SNTG2: variants seen among roughly 807,000 people sequenced by gnomAD.
SNTG2 encodes the protein gamma-2-syntrophin.
A neutral mutation model predicts 70.9 loss-of-function variants in SNTG2; 74 were observed. The ratio of observed to expected loss-of-function variants is 1.04; its 90% CI spans 0.86 to 1.27. The LOEUF is 1.27. SNTG2 is among the 50% of genes most tolerant of loss of function. The pLI, the probability that SNTG2 is intolerant of heterozygous loss-of-function variation, is 0.00. For synonymous variants in SNTG2, 278 were observed against 273.8 expected (o/e 1.02, Z -0.15); for missense variants, 717 against 690.7 (o/e 1.04, Z -0.43).
chr2:1,316,950 G>A (rs529196432), intron 16 of SNTG2, among the ~76,000 whole-genome samples: 40 of 124,798 alleles, frequency 3.2e-4, no homozygotes, highest in African/African-American at 1.1e-3. Context: ...TGGGATTCTG[G>A]AGCATTGAGC....
chr2:1,016,104 A>C (rs899266935), intron 1 of SNTG2, among the ~76,000 whole-genome samples: 8 of 152,212 alleles, frequency 5.3e-5, no homozygotes, highest in Non-Finnish European at 8.8e-5. Context: ...AACATATCTA[A>C]ATATGTTACA....
chr2:1,258,721 C>T (rs934362704), intron 12 of SNTG2, among the ~76,000 whole-genome samples: 1 of 152,160 alleles, frequency 6.6e-6, no homozygotes, highest in Non-Finnish European at 1.5e-5. Flanking sequence ...AATATTTTAA[C>T]TTAGAGATTA....
At chr2:987,550 C>G (rs1367769744) in intron 1 of SNTG2, among the ~76,000 whole-genome samples, 1 of 152,012 alleles carries the variant, frequency 6.6e-6, no homozygotes, top group Admixed American at 6.6e-5. Flanking sequence ...GGGACTCCAG[C>G]GTCTCTAGCG....
At chr2:1,214,035 A>G (rs1326139820) in intron 9 of SNTG2, among the ~76,000 whole-genome samples, 1 of 152,110 alleles carries the variant, frequency 6.6e-6, no homozygotes, top group Non-Finnish European at 1.5e-5. Context: ...TGTTCCTGGC[A>G]CTTTTGTTGA....
chr2:1,277,952 A>C (rs1051532910), intron 14 of SNTG2, among the ~76,000 whole-genome samples: 1 of 152,188 alleles, frequency 6.6e-6, no homozygotes, highest in African/African-American at 2.4e-5. Context: ...CGGGGAAGAT[A>C]ACGCTTTTCT....
chr2:1,310,626 C>T (rs1051014208), intron 15 of SNTG2, among the ~76,000 whole-genome samples: 6 of 152,036 alleles, frequency 3.9e-5, no homozygotes, highest in African/African-American at 9.7e-5. Flanking sequence ...TTCATTTCCC[C>T]GGTGAGTTTC....
intron 8 of SNTG2, among the ~76,000 whole-genome samples, chr2:1,198,332 A>T (rs557860255): frequency 2.9e-4 from 44 of 152,258 alleles, no homozygotes; most frequent in African/African-American, 9.4e-4. Flanking sequence ...ATATACAAAA[A>T]TCTATAGGAT....
At chr2:1,300,496 T>C (rs1045673168) in intron 14 of SNTG2, among the ~76,000 whole-genome samples, 2 of 152,112 alleles carry the variant, frequency 1.3e-5, no homozygotes, top group Admixed American at 6.5e-5. Context: ...GGCCCCAGGG[T>C]GCACATTGAT....
At chr2:1,218,168 C>T (rs190880149) in intron 9 of SNTG2, among the ~76,000 whole-genome samples, 1 of 152,208 alleles carries the variant, frequency 6.6e-6, no homozygotes, top group Admixed American at 6.5e-5. Flanking sequence ...CCATAAGCCT[C>T]CAATCTATGA....
chr2:1,113,157 G>GA (rs1491266854), intron 4 of SNTG2, among the ~76,000 whole-genome samples: 90,579 of 105,800 alleles, frequency 0.86, 41,582 homozygotes, highest in Admixed American at 0.89. Context: ...GGAGGATCGT[G>GA]GGTACTAAGT....
At chr2:1,248,826 A>G (rs777791109) in intron 12 of SNTG2, among the ~76,000 whole-genome samples, 4 of 152,178 alleles carry the variant, frequency 2.6e-5, no homozygotes, top group African/African-American at 9.7e-5. Flanking sequence ...ATATCACTCC[A>G]TGTGTTACCT....
intron 9 of SNTG2, chr2:1,219,868 C>A (rs1233200803): frequency 1.3e-5 from 2 of 152,116 alleles, no homozygotes; most frequent in Non-Finnish European, 2.9e-5. Flanking sequence ...AATAAAATTT[C>A]ATTTGCTTTG....
In SNTG2 at chr2:1,173,096, C is replaced by G. The variant is rs1260152483; in HGVS notation, c.504C>G (p.Ser168=). The G allele has an allele frequency of 8.1e-6, 13 of 1,613,732 alleles. No individual in the cohort carries two copies. Among genetic ancestry groups the G allele is most frequent in the Non-Finnish European group, 1.1e-5 (13 of 1,179,842 alleles). ...ACTTCTCTTGTTTTGCTGCAGGGTC[C>G]CCAGGGCCATCCAGCGACCACAGCA... is the stretch of plus-strand genomic sequence containing the variant. The part of the protein sequence containing the change: ...APAFLKLPLG[S]PGPSSDHSSG... Residue 168 remains serine (S), a synonymous_variant, in exon 8 of 17, where the codon TCC becomes TCG. Coordinates refer to ENST00000308624, the MANE Select transcript of SNTG2 (RefSeq NM_018968.4).
At chr2:1,043,759 C>G (rs151211970) in intron 1 of SNTG2, among the ~76,000 whole-genome samples, 2 of 152,010 alleles carry the variant, frequency 1.3e-5, no homozygotes, top group Non-Finnish European at 2.9e-5. Context: ...TCTAATTTGT[C>G]CCATTGGTCT....
At chr2:1,067,778 A>G (rs1663253632) in intron 1 of SNTG2, among the ~76,000 whole-genome samples, 1 of 152,198 alleles carries the variant, frequency 6.6e-6, no homozygotes, top group South Asian at 2.1e-4. Flanking sequence ...AGGCTGAGGA[A>G]ATTCGAGTGA....
chr2:1,020,396 C>A (rs1413863677), intron 1 of SNTG2, among the ~76,000 whole-genome samples: 3 of 152,192 alleles, frequency 2.0e-5, no homozygotes, highest in Non-Finnish European at 4.4e-5. Flanking sequence ...GAACCACTTA[C>A]AACCATCAGC....
At chr2:1,174,331 AG>A (rs1671332289) in intron 8 of SNTG2, among the ~76,000 whole-genome samples, 1 of 151,838 alleles carries the variant, frequency 6.6e-6, no homozygotes, top group Non-Finnish European at 1.5e-5. Context: ...TTTTATTGCA[AG>A]GCTTATAAAA....
chr2:1,155,173 C>CA (rs374620343), intron 6 of SNTG2, among the ~76,000 whole-genome samples: 114,332 of 146,834 alleles, frequency 0.78, 44,112 homozygotes, highest in Middle Eastern at 0.91. Context: ...ACGTAGACCC[C>CA]CCCCCCACAC....
chr2:1,236,781 A>G (rs1676687446), intron 9 of SNTG2, among the ~76,000 whole-genome samples: 1 of 152,216 alleles, frequency 6.6e-6, no homozygotes, highest in African/African-American at 2.4e-5. Context: ...TGCCTAAGAA[A>G]GCAGCGATGA....
Sources: allele counts gnomAD v4.1 joint callset (sites outside exome capture counted in the v4.1 genomes callset), GRCh38; gene constraint gnomAD v4.1.1; transcripts MANE v1.5; gene names NCBI Gene and HGNC (gene_info 2026-07-23, HGNC 2026-07-21).